The following NRXN3 variants were observed in gnomAD, a reference collection of about 807,000 sequenced individuals.
NRXN3 encodes neurexin 3.
In NRXN3, 32 loss-of-function variants were observed where a neutral mutation model predicts 137.6. That is an observed-to-expected ratio of 0.23 (90% CI 0.18 to 0.31). The LOEUF is 0.31. Ranked by LOEUF, NRXN3 falls within the 10% of genes least tolerant of loss-of-function variation. The pLI is 1.00. For synonymous variants in NRXN3, 798 were observed against 784.5 expected (o/e 1.02, Z -0.29); for missense variants, 1,574 against 2,062.5 (o/e 0.76, Z 4.59).
At chr14:78,933,770 G>T (rs746936239) in intron 10 of NRXN3, among the ~76,000 whole-genome samples, 10 of 152,046 alleles carry the variant, frequency 6.6e-5, no homozygotes, top group Non-Finnish European at 1.2e-4. Flanking sequence ...CATCTTTATG[G>T]TGAGAACATT....
intron 4 of NRXN3, among the ~76,000 whole-genome samples, chr14:78,551,356 C>T (rs953201118): frequency 7.2e-5 from 11 of 152,036 alleles, no homozygotes; most frequent in African/African-American, 2.7e-4. Flanking sequence ...AATTCAGAAG[C>T]AGAACTTTGT....
chr14:79,494,375 A>G (rs1269864102), intron 16 of NRXN3, among the ~76,000 whole-genome samples: 2 of 152,184 alleles, frequency 1.3e-5, no homozygotes, highest in African/African-American at 2.4e-5. Context: ...GACTATTTCT[A>G]TTACGTGAAA....
intron 15 of NRXN3, among the ~76,000 whole-genome samples, chr14:79,040,680 G>C (rs529238906): frequency 2.1e-4 from 32 of 152,224 alleles, no homozygotes; most frequent in African/African-American, 7.7e-4. Context: ...ACCACAGAGA[G>C]GGGTCCCGGA....
At chr14:78,896,109 C>T in intron 10 of NRXN3, among the ~76,000 whole-genome samples, 1 of 151,912 alleles carries the variant, frequency 6.6e-6, no homozygotes, top group South Asian at 2.1e-4. Context: ...TTGCCCCAAA[C>T]CATCAATTTG....
intron 16 of NRXN3, among the ~76,000 whole-genome samples, chr14:79,578,705 G>A (rs1213724897): frequency 6.6e-6 from 1 of 152,082 alleles, no homozygotes; most frequent in African/African-American, 2.4e-5. Context: ...CTTCCACACA[G>A]GTCTCACCAA....
At chr14:78,771,686 G>GA (rs1410137185) in intron 8 of NRXN3, among the ~76,000 whole-genome samples, 2 of 152,212 alleles carry the variant, frequency 1.3e-5, no homozygotes, top group Non-Finnish European at 2.9e-5. Context: ...GAGTAGAATA[G>GA]AAAATGTGTG....
intron 15 of NRXN3, among the ~76,000 whole-genome samples, chr14:79,062,242 G>C (rs2099675123): frequency 6.6e-6 from 1 of 152,102 alleles, no homozygotes; most frequent in African/African-American, 2.4e-5. Flanking sequence ...CGGGACCCAG[G>C]CTGAACTCTC....
intron 4 of NRXN3, among the ~76,000 whole-genome samples, chr14:78,320,648 G>T (rs1460378692): frequency 6.6e-6 from 1 of 152,222 alleles, no homozygotes; most frequent in Non-Finnish European, 1.5e-5. Flanking sequence ...CTAGAAGCAA[G>T]GGAGGAGTGC....
chr14:79,660,974 C>T (rs1469547196), intron 16 of NRXN3, among the ~76,000 whole-genome samples: 1 of 152,094 alleles, frequency 6.6e-6, no homozygotes, highest in Non-Finnish European at 1.5e-5. Context: ...GACACACACA[C>T]ACCCTTAGAA....
At chr14:78,709,768 G>C in intron 7 of NRXN3, 113 bp downstream of exon 7, 1 of 947,042 alleles carries the variant, frequency 1.1e-6, no homozygotes, top group Non-Finnish European at 1.6e-6. Flanking sequence ...TGATTCTTTT[G>C]CTACTCTCTT....
intron 1 of NRXN3, among the ~76,000 whole-genome samples, chr14:78,211,894 T>C (rs140574380): frequency 6.6e-6 from 1 of 152,226 alleles, no homozygotes. Context: ...TATCTTTCCA[T>C]AGGGATGGAA....
At chr14:79,448,386 T>A (rs1478209604) in intron 15 of NRXN3, among the ~76,000 whole-genome samples, 3 of 152,202 alleles carry the variant, frequency 2.0e-5, no homozygotes, top group Admixed American at 2.0e-4. Context: ...GACATTATGT[T>A]ATCATTCCAT....
At chr14:78,600,482 C>G (rs1053682336) in intron 4 of NRXN3, among the ~76,000 whole-genome samples, 1 of 152,178 alleles carries the variant, frequency 6.6e-6, no homozygotes, top group East Asian at 1.9e-4. Flanking sequence ...CCACATCTCC[C>G]AAGAGGTAGA....
intron 19 of NRXN3, among the ~76,000 whole-genome samples, chr14:79,741,866 T>C (rs544188354): frequency 1.3e-5 from 2 of 152,232 alleles, no homozygotes; most frequent in African/African-American, 4.8e-5. Flanking sequence ...TATAGGTAAG[T>C]GTGCTTATAT....
intron 4 of NRXN3, among the ~76,000 whole-genome samples, chr14:78,575,757 T>A (rs547468610): frequency 6.6e-6 from 1 of 152,166 alleles, no homozygotes; most frequent in East Asian, 1.9e-4. Context: ...GGGGTGGTGG[T>A]GATAATTTCA....
chr14:79,805,857 G>C (rs534702898), intron 20 of NRXN3, among the ~76,000 whole-genome samples: 18 of 152,234 alleles, frequency 1.2e-4, no homozygotes, highest in African/African-American at 4.1e-4. Flanking sequence ...CTACTGTGCT[G>C]AAGTTGAGAA....
intron 15 of NRXN3, among the ~76,000 whole-genome samples, chr14:79,243,046 C>G (rs1202179470): frequency 6.6e-6 from 1 of 152,038 alleles, no homozygotes; most frequent in Non-Finnish European, 1.5e-5. Flanking sequence ...GCCTTTCCAC[C>G]TAGAAGTTTA....
In NRXN3 at chr14:79,158,809, G is replaced by A. The variant is rs112650786; in HGVS notation, c.3262+170668G>A. 1.7e-3 allele frequency among the ~76,000 whole-genome samples: 257 copies of A among 151,890 alleles called. 1 individual carries two copies. The highest frequency in any genetic ancestry group is 5.6e-3 in the African/African-American group (232 of 41,482). On this transcript the variant is annotated intron_variant, in intron 15 of 20. Transcript: ENST00000335750. ...GTCCTGAAAATATAACCATACTAAT[G>A]CATTCTTTTTGACATTATTACCTGA... is the stretch of plus-strand genomic sequence containing the variant.
intron 10 of NRXN3, among the ~76,000 whole-genome samples, chr14:78,820,075 G>A (rs1170117857): frequency 3.9e-5 from 6 of 152,008 alleles, no homozygotes; most frequent in South Asian, 4.2e-4. Flanking sequence ...TCTTTTAACC[G>A]TTTGACCTCT....
Sources: allele counts gnomAD v4.1 joint callset (sites outside exome capture counted in the v4.1 genomes callset), GRCh38; gene constraint gnomAD v4.1.1; transcripts MANE v1.5; gene names NCBI Gene and HGNC (gene_info 2026-07-23, HGNC 2026-07-21).